The following RMDN1 variants were observed in gnomAD, a reference collection of about 807,000 sequenced individuals.
RMDN1 encodes regulator of microtubule dynamics protein 1.
RMDN1 carries 48 observed loss-of-function variants against 48.9 expected under a neutral mutation model. That is an observed-to-expected ratio of 0.98 (90% CI 0.78 to 1.25). The LOEUF is 1.25. Among genes scored for constraint, RMDN1 ranks in the 50% most tolerant of loss-of-function variants. The probability of loss-of-function intolerance (pLI) is 0.00; values close to 1 mark genes in which losing one functional copy is unlikely to be tolerated. For missense variants in RMDN1, 418 were observed against 373.4 expected (o/e 1.12, Z -0.98); for synonymous variants, 148 against 132.6 (o/e 1.12, Z -0.80).
chr8:86,478,841 G>GA (rs1463240054), intron 7 of RMDN1, 82 bp downstream of exon 7: 2 of 1,072,232 alleles, frequency 1.9e-6, no homozygotes, highest in Non-Finnish European at 2.9e-6. Context: ...CACTGAATCA[G>GA]AGCTCCACAT....
At chr8:86,507,219 A>G (rs1194007339) in intron 1 of RMDN1, 107 bp from the exon 2 acceptor site, 1 of 653,294 alleles carries the variant, frequency 1.5e-6, no homozygotes, top group Non-Finnish European at 2.8e-6. Flanking sequence ...GCAATCGATC[A>G]TAATACTGGA....
At position 86,473,733 on chromosome 8, in the gene RMDN1, A is replaced by G; in HGVS notation, c.*575T>C. ...GTGGGCCGAGATTGTGCCACTGCAC[A>G]CCAGCCTGGGAAACAAAGTGAGACT... On this transcript the variant is annotated 3_prime_UTR_variant, in exon 10 of 10. Transcript: ENST00000406452. The G allele has an allele frequency of 1.3e-6, 1 of 780,234 alleles. No homozygotes were observed. The highest frequency in any genetic ancestry group is 1.6e-6 in the Non-Finnish European group (1 of 642,920). The allele number at this position is 780,234 out of a possible 1,614,324, so 48.3% of individuals were successfully genotyped here.
intron 5 of RMDN1, chr8:86,482,425 T>C (rs748589308): frequency 2.2e-6 from 1 of 448,828 alleles, no homozygotes. Flanking sequence ...AAGGAGGCTC[T>C]GTAAATCTTT....
chr8:86,508,594 G>T lies in RMDN1; in HGVS notation c.27C>A (p.Arg9=). The T allele has an allele frequency of 6.2e-7, 1 of 1,604,862 alleles. No individual in the cohort carries two copies. ...CGGCTCCACGTCGGAAAGGCAGAAG[G>T]CGCCACAGTCGAGCAGCCAGCGCCA... MALAARLW[R]LLPFRRGAAP... is the part of the protein sequence containing the mutation. Residue 9 remains arginine (R), a synonymous_variant, in exon 1 of 10, where the codon CGC becomes CGA. Coordinates refer to ENST00000406452, the MANE Select transcript of RMDN1 (RefSeq NM_016033.3).
downstream of RMDN1, chr8:86,470,197 C>T (rs1224678447): frequency 7.8e-7 from 1 of 1,289,060 alleles, no homozygotes; most frequent in Non-Finnish European, 1.0e-6. Flanking sequence ...ACACTTAGAA[C>T]ACAGAGTACT....
downstream of RMDN1, chr8:86,470,203 G>T (rs1339706357): frequency 7.8e-7 from 1 of 1,289,038 alleles, no homozygotes; most frequent in South Asian, 1.2e-5. Flanking sequence ...AGAACACAGA[G>T]TACTACCAAC....
Position 86,484,941 on chromosome 8 carries a change from A to G in RMDN1, c.516T>C (p.Ser172=), listed in dbSNP as rs905122506. 2 of 1,603,018 alleles carry G rather than the reference A, an allele frequency of 1.2e-6. No individual in the cohort carries two copies. The highest frequency in any genetic ancestry group is 1.7e-5 in the Admixed American group (1 of 59,096). ...TGATGCCTTCATAATCTCCAACATC[A>G]CTAAGGCAGATTGCATACCACTGAA... ...ASHKWYAICL[S]DVGDYEGIKA... is the part of the protein sequence containing the mutation. Residue 172 remains serine, a synonymous_variant, in exon 5 of 10, where the codon AGT becomes AGC. Coordinates refer to ENST00000406452, the MANE Select transcript of RMDN1 (RefSeq NM_016033.3).
intron 8 of RMDN1, among the ~76,000 whole-genome samples, chr8:86,477,049 C>T (rs1373249192): frequency 6.6e-6 from 1 of 152,094 alleles, no homozygotes; most frequent in African/African-American, 2.4e-5. Context: ...AGACTGCTCT[C>T]ACAAAGGAAG....
chr8:86,477,367 A>T lies in RMDN1; in HGVS notation c.730-43T>A, dbSNP rs1813560663. Reference sequence around the variant, plus strand: ...AGCCCAAACATAATAAAAAAGATTAAAGAAGACAATATTAAAAAAGCATTG... The same window carrying T: ...AGCCCAAACATAATAAAAAAGATTATAGAAGACAATATTAAAAAAGCATTG... On this transcript the variant is annotated intron_variant, in intron 7 of 9. Coordinates refer to ENST00000406452, the MANE Select transcript of RMDN1 (RefSeq NM_016033.3). The T allele has an allele frequency of 2.9e-5, 43 of 1,494,692 alleles. 2 individuals are homozygous for T. The East Asian group carries it at 1.0e-3, about 35-fold the overall frequency. 92.6% of individuals were successfully genotyped at this position (1,494,692 alleles called of 1,614,324 possible). A position where few individuals can be genotyped will look rare whatever the true frequency, so the allele number is the denominator to read the frequency against.
Position 86,474,179 on chromosome 8 carries a change from A to T in RMDN1, c.*129T>A. ...TTTGTGAAGAAGCCTAGAATATTTT[A>T]TATTTACACGGTTAAATGGTCACAA... On this transcript the variant is annotated 3_prime_UTR_variant, in exon 10 of 10. Transcript: ENST00000406452. The T allele has an allele frequency of 6.9e-7, 1 of 1,441,794 alleles. No homozygotes were observed. The highest frequency in any genetic ancestry group is 9.1e-7 in the Non-Finnish European group (1 of 1,099,154). The allele number at this position is 1,441,794 out of a possible 1,614,324, so 89.3% of individuals were successfully genotyped here.
intron 5 of RMDN1, among the ~76,000 whole-genome samples, chr8:86,484,323 A>C (rs1408985051): frequency 6.7e-6 from 1 of 149,186 alleles, no homozygotes; most frequent in Non-Finnish European, 1.5e-5. Context: ...CTGTAGTCTC[A>C]GCTGAGGGCC....
chr8:86,513,258 C>T (rs557474312), upstream of RMDN1, among the ~76,000 whole-genome samples: 78 of 152,206 alleles, frequency 5.1e-4, 1 homozygote, highest in Middle Eastern at 0.02. Context: ...CCTGTAATCC[C>T]AAGCTACTCA....
chr8:86,506,969 G>C, intron 2 of RMDN1, 26 bp downstream of exon 2: 1 of 1,228,924 alleles, frequency 8.1e-7, no homozygotes, highest in Non-Finnish European at 1.2e-6. Context: ...AACTCTAAAT[G>C]TTCCATATAT....
chr8:86,483,166 A>G (rs1352710997), intron 5 of RMDN1, among the ~76,000 whole-genome samples: 1 of 152,246 alleles, frequency 6.6e-6, no homozygotes, highest in Non-Finnish European at 1.5e-5. Flanking sequence ...TTGAAATGTA[A>G]GCAGTATAAA....
chr8:86,505,245 A>C, intron 2 of RMDN1: 1 of 536,150 alleles, frequency 1.9e-6, no homozygotes, highest in Non-Finnish European at 3.3e-6. Context: ...TGGTTTTTTA[A>C]ATATTTTATT....
chr8:86,489,334 CATT>C (rs756761598), intron 2 of RMDN1, among the ~76,000 whole-genome samples: 6 of 152,094 alleles, frequency 3.9e-5, no homozygotes, highest in Non-Finnish European at 8.8e-5. Flanking sequence ...AATACATAAA[CATT>C]ATTGACAGTG....
chr8:86,468,420 A>T (rs1372375384), downstream of RMDN1: 1 of 442,696 alleles, frequency 2.3e-6, no homozygotes, highest in African/African-American at 2.0e-5. Context: ...GGTAATTTTC[A>T]AGCCTAAAGA....
chr8:86,499,737 G>A (rs776614106), intron 2 of RMDN1, among the ~76,000 whole-genome samples: 13 of 152,028 alleles, frequency 8.6e-5, no homozygotes, highest in Admixed American at 7.2e-4. Flanking sequence ...TAGCCAAGGC[G>A]ATCCTAAGCA....
chr8:86,482,933 G>C (rs1814788947), intron 5 of RMDN1: 8 of 841,332 alleles, frequency 9.5e-6, no homozygotes, highest in Non-Finnish European at 1.7e-5. Context: ...TCCAGAGGCA[G>C]GTGGGCTCGG....
Sources: gnomAD v4.1 joint callset for allele counts (sites outside exome capture counted in the v4.1 genomes callset) on GRCh38, gnomAD v4.1.1 for gene constraint, MANE v1.5 for transcripts, NCBI Gene and HGNC (gene_info 2026-07-23, HGNC 2026-07-21) for gene names.